Variants in DCC observed in about 807,000 individuals in gnomAD.
DCC encodes DCC netrin 1 receptor, also known as netrin receptor DCC.
A neutral mutation model predicts 172.5 loss-of-function variants in DCC; 58 were observed. The observed-to-expected ratio is 0.34, with a 90% confidence interval of 0.27 to 0.42. The LOEUF is 0.42. DCC is among the 10% of genes least tolerant of loss of function. The pLI, the probability that DCC is intolerant of heterozygous loss-of-function variation, is 1.00. For synonymous variants in DCC, 709 were observed against 644.5 expected, an observed-to-expected ratio of 1.10 and a Z score of -1.52; for missense variants, 1,740 against 1,791.0, an observed-to-expected ratio of 0.97 and a Z score of 0.51.
At chr18:52,733,733 C>A (rs983471304) in intron 1 of DCC, among the ~76,000 whole-genome samples, 1 of 152,020 alleles carries the variant, frequency 6.6e-6, no homozygotes, top group African/African-American at 2.4e-5. Flanking sequence ...TAGCCTCAAG[C>A]AGTCCTCCTG....
intron 7 of DCC, among the ~76,000 whole-genome samples, chr18:53,115,841 T>C (rs1198192026): frequency 1.3e-5 from 2 of 151,670 alleles, no homozygotes; most frequent in Non-Finnish European, 3.0e-5. Flanking sequence ...TTAAAAATTT[T>C]CTTTAAGACG....
chr18:53,507,269 C>G (rs1044282847), intron 27 of DCC, among the ~76,000 whole-genome samples: 3 of 152,124 alleles, frequency 2.0e-5, no homozygotes, highest in African/African-American at 7.2e-5. Context: ...TCACATAAAC[C>G]TCTGTGCTAA....
chr18:53,048,365 G>A (rs377355231), intron 5 of DCC, among the ~76,000 whole-genome samples: 11 of 151,780 alleles, frequency 7.2e-5, no homozygotes, highest in Non-Finnish European at 1.2e-4. Context: ...TTATAAGTGA[G>A]AACATGTGGT....
chr18:52,496,950 A>T (rs2030777019), intron 1 of DCC, among the ~76,000 whole-genome samples: 1 of 151,996 alleles, frequency 6.6e-6, no homozygotes, highest in African/African-American at 2.4e-5. Flanking sequence ...GAGCCACTTT[A>T]CATATAATGA....
chr18:52,932,831 A>C (rs950159775), intron 5 of DCC, among the ~76,000 whole-genome samples: 9 of 152,108 alleles, frequency 5.9e-5, no homozygotes, highest in Admixed American at 1.3e-4. Flanking sequence ...TATGCAATAC[A>C]TGCACTTACT....
At position 53,111,645 on chromosome 18, in the gene DCC, TATCTC is replaced by T. The variant is rs1442142168; in HGVS notation, c.1261+45483_1261+45487del. 4.6e-5 allele frequency among the ~76,000 whole-genome samples: 7 copies of T among 151,688 alleles called. No individual in the cohort carries two copies. The East Asian group carries it at 5.9e-4, about 13-fold the overall frequency. On this transcript the variant is annotated intron_variant, in intron 7 of 28. Transcript: ENST00000442544. ...GCTTTAAAAGAGGAAGAAAAAAAAT[TATCTC>T]ATCATGTTTAGATCCTCAGTCTTGA...
chr18:53,137,314 A>G (rs1384548876), intron 7 of DCC, among the ~76,000 whole-genome samples: 2 of 152,154 alleles, frequency 1.3e-5, no homozygotes, highest in Admixed American at 6.5e-5. Flanking sequence ...TATTGGCAGA[A>G]TTCTTCTGCA....
chr18:53,375,033 T>C (rs1014167165), intron 15 of DCC, among the ~76,000 whole-genome samples: 1 of 152,170 alleles, frequency 6.6e-6, no homozygotes, highest in Non-Finnish European at 1.5e-5. Context: ...AGACCTGGCT[T>C]GGAATCTGAG....
chr18:53,463,285 G>T (rs1661504169), intron 24 of DCC, among the ~76,000 whole-genome samples: 1 of 152,062 alleles, frequency 6.6e-6, no homozygotes, highest in African/African-American at 2.4e-5. Context: ...TAAGTCCTGG[G>T]GGAAGGTTTA....
At chr18:52,393,472 T>A (rs534353161) in intron 1 of DCC, among the ~76,000 whole-genome samples, 2 of 152,060 alleles carry the variant, frequency 1.3e-5, no homozygotes, top group East Asian at 3.9e-4. Flanking sequence ...TTAATCTCTA[T>A]ATTATTTATA....
At chr18:52,913,497 G>A (rs913766972) in intron 3 of DCC, among the ~76,000 whole-genome samples, 1 of 151,026 alleles carries the variant, frequency 6.6e-6, no homozygotes, top group Admixed American at 6.6e-5. Context: ...AAATCAACCA[G>A]TTTTTTTTTC....
intron 12 of DCC, among the ~76,000 whole-genome samples, chr18:53,242,327 A>G (rs890959980): frequency 2.0e-5 from 3 of 152,228 alleles, no homozygotes; most frequent in African/African-American, 7.2e-5. Flanking sequence ...TGGGACAGCC[A>G]GGAAGATATT....
At chr18:53,467,665 AT>A (rs1599183303) in intron 24 of DCC, among the ~76,000 whole-genome samples, 1 of 152,228 alleles carries the variant, frequency 6.6e-6, no homozygotes, top group Admixed American at 6.5e-5. Flanking sequence ...ATATGCAAAA[AT>A]TATAAGCATC....
chr18:53,125,594 C>T (rs370424220), intron 7 of DCC, among the ~76,000 whole-genome samples: 8 of 152,066 alleles, frequency 5.3e-5, no homozygotes, highest in African/African-American at 9.7e-5. Context: ...ACACCACCAG[C>T]GATTTTCCAG....
Position 53,116,316 on chromosome 18 carries a change from C to T in DCC, c.1262-41040C>T, listed in dbSNP as rs183735059. Among the ~76,000 whole-genome samples the T allele has an allele frequency of 2.0e-3, 305 of 151,774 alleles. 3 individuals are homozygous for T. Among genetic ancestry groups the T allele is most frequent in the East Asian group, 1.8e-3 (9 of 5,106 alleles). On this transcript the variant is annotated intron_variant, in intron 7 of 28. Transcript: ENST00000442544. ...CAGAATTTTTGGGAGTTTAAATACC[C>T]CCTAGAGGATTCCATTGTTTATTTG...
chr18:53,163,237 C>G (rs573999183), intron 8 of DCC, among the ~76,000 whole-genome samples: 2 of 151,472 alleles, frequency 1.3e-5, no homozygotes, highest in African/African-American at 4.8e-5. Context: ...GTAGAGGTGG[C>G]AGAGAGATAT....
intron 26 of DCC, among the ~76,000 whole-genome samples, chr18:53,490,489 G>C (rs1338012453): frequency 1.3e-5 from 2 of 152,124 alleles, no homozygotes; most frequent in African/African-American, 4.8e-5. Flanking sequence ...AGTACCTTGA[G>C]ATTTGACTCT....
intron 15 of DCC, among the ~76,000 whole-genome samples, chr18:53,383,696 AC>A (rs1907936723): frequency 2.0e-5 from 3 of 151,640 alleles, no homozygotes; most frequent in African/African-American, 7.3e-5. Context: ...TTTTTAGCAG[AC>A]AGAGCTGGAA....
At chr18:52,868,910 T>C (rs2039272471) in intron 2 of DCC, among the ~76,000 whole-genome samples, 1 of 152,194 alleles carries the variant, frequency 6.6e-6, no homozygotes, top group South Asian at 2.1e-4. Context: ...GCACCGGTAC[T>C]CTGCAAGGCT....
Sources: allele counts gnomAD v4.1 joint callset (sites outside exome capture counted in the v4.1 genomes callset), GRCh38; gene constraint gnomAD v4.1.1; transcripts MANE v1.5; gene names NCBI Gene and HGNC (gene_info 2026-07-23, HGNC 2026-07-21).